Variants in CD4 observed in about 807,000 individuals in gnomAD.
CD4 encodes the protein T-cell surface glycoprotein CD4.
Under a neutral mutation model 50.5 loss-of-function variants are expected in CD4, and 25 were observed. That is an observed-to-expected ratio of 0.49 (90% CI 0.36 to 0.69). CD4 has a LOEUF of 0.69. Among genes scored for constraint, CD4 ranks in the 30% least tolerant of loss-of-function variants. CD4 has a pLI of 0.00. For missense variants in CD4, 456 were observed against 548.5 expected, an observed-to-expected ratio of 0.83 and a Z score of 1.68; for synonymous variants, 207 against 221.9, an observed-to-expected ratio of 0.93 and a Z score of 0.60.
At chr12:6,790,533 G>A (rs774967722) in intron 1 of CD4, among the ~76,000 whole-genome samples, 12 of 152,204 alleles carry the variant, frequency 7.9e-5, no homozygotes, top group Non-Finnish European at 1.2e-4. Context: ...AAACGGATTC[G>A]AAAAGAATTG....
Position 6,817,241 on chromosome 12 carries a change from A to G in CD4, c.1067A>G (p.Lys356Arg). The part of the protein sequence containing the change: ...NKEAKVSKRE[K>R]AVWVLNPEAG... ...GAGGCAAAGGTCTCGAAGCGGGAGAAGGCGGTGTGGGTGCTGAACCCTGAG... is the reference window on the plus strand; with the variant it reads ...GAGGCAAAGGTCTCGAAGCGGGAGAGGGCGGTGTGGGTGCTGAACCCTGAG... Residue 356 changes from lysine to arginine, a missense_variant, in exon 7 of 10, where the codon AAG (lysine) becomes AGG (arginine). Lys to Arg is a conservative substitution (Grantham distance 26). Transcript: ENST00000011653. The G allele has an allele frequency of 6.2e-7, 1 of 1,611,254 alleles. No homozygotes were observed. Among genetic ancestry groups the G allele is most frequent in the Non-Finnish European group, 8.5e-7 (1 of 1,178,508 alleles).
chr12:6,807,975 G>A (rs964312212), intron 3 of CD4, among the ~76,000 whole-genome samples: 2 of 151,300 alleles, frequency 1.3e-5, no homozygotes, highest in African/African-American at 2.4e-5. Flanking sequence ...AGCTACTCGG[G>A]AGGCTGAGGC....
chr12:6,817,398 A>G (rs1383185528), intron 7 of CD4, 68 bp downstream of exon 7: 29 of 1,362,488 alleles, frequency 2.1e-5, no homozygotes, highest in Non-Finnish European at 3.0e-5. Flanking sequence ...GGCAGAGACC[A>G]CCCAGAGTCC....
chr12:6,812,406 G>A (rs1942964088), intron 3 of CD4, among the ~76,000 whole-genome samples: 1 of 152,182 alleles, frequency 6.6e-6, no homozygotes, highest in African/African-American at 2.4e-5. Flanking sequence ...CAGGCTGGGT[G>A]TGGTGGCTCA....
chr12:6,818,282 A>T lies in CD4; in HGVS notation c.1157-139A>T. 1.9e-6 allele frequency: 2 copies of T among 1,045,760 alleles called. No individual in the cohort carries two copies. Among genetic ancestry groups the T allele is most frequent in the Non-Finnish European group, 2.8e-6 (2 of 717,760 alleles). The allele number at this position is 1,045,760 out of a possible 1,614,324, so 64.8% of individuals were successfully genotyped here. A position where few individuals can be genotyped will look rare whatever the true frequency, so the allele number is the denominator to read the frequency against. On this transcript the variant is annotated intron_variant, in intron 7 of 9. Coordinates refer to ENST00000011653, the MANE Select transcript of CD4 (RefSeq NM_000616.5). This position sits in a 1 kb window ranked among gnomAD's most constrained non-coding sequence, Gnocchi z 5.0. ...GATTCCCCAGCACTGGCGGCCTTTG[A>T]GAGCCCCCAGGCACCCCTCCCCTCT...
In CD4 at chr12:6,803,069, C is replaced by T. The variant is rs369479985; in HGVS notation, c.214+2598C>T. Among the ~76,000 whole-genome samples, 89 of 151,580 alleles carry T rather than the reference C, an allele frequency of 5.9e-4. 1 individual carries two copies. Among genetic ancestry groups the T allele is most frequent in the Non-Finnish European group, 2.8e-4 (19 of 67,864 alleles). On this transcript the variant is annotated intron_variant, in intron 3 of 9. Coordinates refer to ENST00000011653, the MANE Select transcript of CD4 (RefSeq NM_000616.5). Reference sequence around the variant, plus strand: ...TTTAAAGTAATCTGGCAATGTTTAACGAATACAAAACTCTAAAACCCTTGG... The same window carrying T: ...TTTAAAGTAATCTGGCAATGTTTAATGAATACAAAACTCTAAAACCCTTGG...
intron 3 of CD4, among the ~76,000 whole-genome samples, chr12:6,811,491 C>CTTTTTTTT (rs11318741): frequency 1.8e-4 from 20 of 111,024 alleles, no homozygotes; most frequent in Admixed American, 2.9e-4. Flanking sequence ...TTTTCTTTTT[C>CTTTTTTTT]TTTTTTTTTT....
At chr12:6,815,150 TG>T (rs1171479477) in intron 5 of CD4, 158 bp downstream of exon 5, 39 of 605,892 alleles carry the variant, frequency 6.4e-5, no homozygotes, top group Admixed American at 1.6e-4. Context: ...AAGGACTCAC[TG>T]GGGCCCTCAT....
At chr12:6,794,789 T>TG (rs1351838834) in intron 1 of CD4, among the ~76,000 whole-genome samples, 1 of 125,058 alleles carries the variant, frequency 8.0e-6, no homozygotes, top group East Asian at 2.1e-4. Context: ...TTTTTTTGTT[T>TG]TTTTTTTTTT....
Position 6,816,387 on chromosome 12 carries a change from C to T in CD4, c.939C>T (p.Asn313=). ...CAGGAAAGTTGCATCAGGAAGTGAA[C>T]CTGGTGGTGATGAGAGGTGAGGGGC... ...AKTGKLHQEV[N]LVVMRATQLQ... The change falls in exon 6 of 10, where the codon AAC becomes AAT. Residue 313 remains asparagine (N), a synonymous_variant. Transcript: ENST00000011653. The surrounding 1 kb of genome is among the most constrained non-coding windows in gnomAD (Gnocchi z 4.9). 6.2e-7 allele frequency: 1 copy of T among 1,613,690 alleles called. No homozygotes were observed. The highest frequency in any genetic ancestry group is 8.5e-7 in the Non-Finnish European group (1 of 1,179,720).
chr12:6,815,113 G>A (rs1555117710), intron 5 of CD4, 121 bp downstream of exon 5: 1 of 716,728 alleles, frequency 1.4e-6, no homozygotes, highest in African/African-American at 1.8e-5. Flanking sequence ...GAGAAGACTA[G>A]GTCCCCTAGA....
chr12:6,806,257 C>A (rs1555116180), intron 3 of CD4, among the ~76,000 whole-genome samples: 1 of 151,060 alleles, frequency 6.6e-6, no homozygotes, highest in Non-Finnish European at 1.5e-5. Context: ...TGTGAATATA[C>A]ATCTATACAC....
intron 3 of CD4, 139 bp from the exon 4 acceptor site, chr12:6,814,003 G>A (rs1487966012): frequency 5.5e-6 from 4 of 721,622 alleles, no homozygotes; most frequent in East Asian, 5.0e-5. Context: ...TTGCCAGACC[G>A]GGTTTCTCTG....
At chr12:6,801,388 A>G (rs1942541590) in intron 3 of CD4, among the ~76,000 whole-genome samples, 1 of 149,106 alleles carries the variant, frequency 6.7e-6, no homozygotes, top group Non-Finnish European at 1.5e-5. Context: ...GTGGGGGTGC[A>G]GTCCTGTACT....
intron 1 of CD4, 54 bp from the exon 2 acceptor site, chr12:6,800,018 G>C: frequency 1.1e-6 from 1 of 882,184 alleles, no homozygotes; most frequent in Non-Finnish European, 1.9e-6. Flanking sequence ...TATCGCCCCT[G>C]TATACTCCAG....
chr12:6,816,680 C>A lies in CD4; in HGVS notation c.955+277C>A, dbSNP rs1200908591. 6.6e-6 allele frequency among the ~76,000 whole-genome samples: 1 copy of A among 152,214 alleles called. No homozygotes were observed. The highest frequency in any genetic ancestry group is 2.4e-5 in the African/African-American group (1 of 41,460). Reference sequence around the variant, plus strand: ...CCAACCCTCTGTGACCCTGGCTAAGCCCCCTCCCACTGCAGGCCTGCTTCC... The same window carrying A: ...CCAACCCTCTGTGACCCTGGCTAAGACCCCTCCCACTGCAGGCCTGCTTCC... On this transcript the variant is annotated intron_variant, in intron 6 of 9. Coordinates refer to ENST00000011653, the MANE Select transcript of CD4 (RefSeq NM_000616.5). The surrounding 1 kb of genome is among the most constrained non-coding windows in gnomAD (Gnocchi z 4.9).
chr12:6,791,684 C>T (rs1942166014), intron 1 of CD4, among the ~76,000 whole-genome samples: 1 of 152,146 alleles, frequency 6.6e-6, no homozygotes, highest in Non-Finnish European at 1.5e-5. Flanking sequence ...AGTTTGAGAC[C>T]AGCCTGGGCA....
Position 6,814,840 on chromosome 12 carries a change from C to G in CD4, c.455C>G (p.Ser152Ter), listed in dbSNP as rs781982696. Reference sequence around the variant, plus strand: ...GAGAGCCCCCCTGGTAGTAGCCCCTCAGTGCAATGTAGGAGTCCAAGGGGT... The same window carrying G: ...GAGAGCCCCCCTGGTAGTAGCCCCTGAGTGCAATGTAGGAGTCCAAGGGGT... ...TLESPPGSSP[S>*]VQCRSPRGKN... Residue 152 changes from serine to a stop codon, truncating the protein, a stop_gained, in exon 5 of 10, where the codon TCA becomes TGA. Transcript: ENST00000011653. LOFTEE classifies it high-confidence loss of function. 1 of 1,613,604 alleles carries G rather than the reference C, an allele frequency of 6.2e-7. No homozygotes were observed. Among genetic ancestry groups the G allele is most frequent in the Non-Finnish European group, 8.5e-7 (1 of 1,179,744 alleles).
chr12:6,817,484 A>G (rs782477319), intron 7 of CD4, among the ~76,000 whole-genome samples, 154 bp downstream of exon 7: 1 of 152,006 alleles, frequency 6.6e-6, no homozygotes, highest in Non-Finnish European at 1.5e-5. Flanking sequence ...GGAGGCCCCA[A>G]AAGGAGGCAT....
Sources: allele counts gnomAD v4.1 joint callset (sites outside exome capture counted in the v4.1 genomes callset), GRCh38; gene constraint gnomAD v4.1.1; non-coding constraint Gnocchi (gnomAD v3.1); transcripts MANE v1.5; gene names NCBI Gene and HGNC (gene_info 2026-07-23, HGNC 2026-07-21).